The following DLGAP2 variants were observed in gnomAD, a reference collection of about 807,000 sequenced individuals.
DLGAP2 encodes DLG associated protein 2.
A neutral mutation model predicts 100.3 loss-of-function variants in DLGAP2; 26 were observed. The observed-to-expected ratio is 0.26, with a 90% CI of 0.19 to 0.36. The LOEUF (loss-of-function observed/expected upper bound fraction) is 0.36. Among genes scored for constraint, DLGAP2 ranks in the 10% least tolerant of loss-of-function variants. The pLI is 1.00. For missense variants in DLGAP2, 1,858 were observed against 1,453.2 expected, an observed-to-expected ratio of 1.28 and a Z score of -4.53; for synonymous variants, 886 against 630.1, an observed-to-expected ratio of 1.41 and a Z score of -6.08.
At chr8:948,532 G>A (rs1295314826) in intron 2 of DLGAP2, among the ~76,000 whole-genome samples, 5 of 152,240 alleles carry the variant, frequency 3.3e-5, no homozygotes, top group African/African-American at 9.6e-5. Context: ...TGGCTCCTCC[G>A]CTCTGCTCCC....
intron 2 of DLGAP2, among the ~76,000 whole-genome samples, chr8:1,076,737 G>T (rs1803624793): frequency 6.6e-6 from 1 of 152,188 alleles, no homozygotes; most frequent in South Asian, 2.1e-4. Flanking sequence ...ATAACACAGG[G>T]CCTCACACCA....
intron 2 of DLGAP2, among the ~76,000 whole-genome samples, chr8:970,292 A>T (rs1313545674): frequency 6.6e-6 from 1 of 152,236 alleles, no homozygotes; most frequent in Non-Finnish European, 1.5e-5. Context: ...CAAAGAAATT[A>T]TAGGTGTGTT....
At chr8:1,534,259 G>A (rs563084029) in intron 4 of DLGAP2, among the ~76,000 whole-genome samples, 15 of 152,208 alleles carry the variant, frequency 9.9e-5, no homozygotes, top group Non-Finnish European at 1.8e-4. Flanking sequence ...CGAAAAGTGT[G>A]TGTCACAAGG....
chr8:1,462,617 A>G (rs1798492444), intron 3 of DLGAP2, among the ~76,000 whole-genome samples: 3 of 152,178 alleles, frequency 2.0e-5, no homozygotes, highest in Admixed American at 2.0e-4. Flanking sequence ...GTGGATGGGA[A>G]TTAGTTCAGT....
rs2472053 is a variant in DLGAP2 at position 1,701,376 on chromosome 8, C to A, written c.3138C>A (p.Ile1046=). Residue 1046 remains isoleucine (I), a synonymous_variant, in exon 15 of 15, where the codon ATC becomes ATA. Transcript: ENST00000637795. ...CCGAGCGCGCGGACAGCATCGAGAT[C>A]TACATCCCCGAGGCCCAGACCCGGC... ...SASERADSIE[I]YIPEAQTRL 1.9e-6 allele frequency: 3 copies of A among 1,597,766 alleles called. No homozygotes were observed. Among genetic ancestry groups the A allele is most frequent in the South Asian group, 2.3e-5 (2 of 88,330 alleles).
At chr8:1,056,359 T>C (rs1286547531) in intron 2 of DLGAP2, among the ~76,000 whole-genome samples, 1 of 152,172 alleles carries the variant, frequency 6.6e-6, no homozygotes, top group Non-Finnish European at 1.5e-5. Context: ...TCCAGCTCTG[T>C]GTGTCCTCTG....
intron 6 of DLGAP2, among the ~76,000 whole-genome samples, chr8:1,597,242 G>A (rs529568822): frequency 2.0e-5 from 3 of 152,278 alleles, no homozygotes; most frequent in East Asian, 3.9e-4. Context: ...TTTGATACTA[G>A]TACCATCCTG....
chr8:1,310,648 TTTTTTTG>T (rs538329644), intron 3 of DLGAP2, among the ~76,000 whole-genome samples: 170 of 152,282 alleles, frequency 1.1e-3, no homozygotes, highest in Middle Eastern at 3.4e-3. Flanking sequence ...AAGTTGGGTT[TTTTTTTG>T]TTTTTTGTTT....
intron 3 of DLGAP2, among the ~76,000 whole-genome samples, chr8:1,416,944 C>T (rs188762230): frequency 7.9e-4 from 120 of 152,242 alleles, no homozygotes; most frequent in African/African-American, 2.7e-3. Context: ...AGATTTGCTT[C>T]GTGAGGAGGC....
chr8:1,020,287 A>G (rs981375910), intron 2 of DLGAP2, among the ~76,000 whole-genome samples: 2 of 152,176 alleles, frequency 1.3e-5, no homozygotes, highest in African/African-American at 4.8e-5. Context: ...AGTGACCGTT[A>G]ATTGCTAACC....
intron 1 of DLGAP2, among the ~76,000 whole-genome samples, chr8:764,800 C>T (rs1821170301): frequency 6.6e-6 from 1 of 151,962 alleles, no homozygotes; most frequent in Admixed American, 6.6e-5. Flanking sequence ...ATAACTGTGA[C>T]CTAAGCAAAA....
intron 5 of DLGAP2, among the ~76,000 whole-genome samples, chr8:1,557,467 G>A (rs1413551042): frequency 1.3e-5 from 2 of 152,142 alleles, no homozygotes; most frequent in African/African-American, 4.8e-5. Flanking sequence ...GCAGGGGTGA[G>A]CAGCGGGGAC....
At chr8:1,333,082 C>CAAG (rs1563088694) in intron 3 of DLGAP2, among the ~76,000 whole-genome samples, 5 of 152,170 alleles carry the variant, frequency 3.3e-5, no homozygotes, top group Non-Finnish European at 7.3e-5. Context: ...GGAGGTCAGG[C>CAAG]TCTTCATGCC....
chr8:1,663,482 G>A (rs1798466970), intron 8 of DLGAP2, among the ~76,000 whole-genome samples: 2 of 152,108 alleles, frequency 1.3e-5, no homozygotes, highest in South Asian at 2.1e-4. Context: ...TCAGACAGAG[G>A]GAAGGCAGTT....
intron 1 of DLGAP2, among the ~76,000 whole-genome samples, chr8:901,990 C>T (rs1320049613): frequency 6.6e-6 from 1 of 152,178 alleles, no homozygotes; most frequent in African/African-American, 2.4e-5. Context: ...CCACTGGACC[C>T]CACCTGTGAG....
chr8:1,569,549 T>C (rs1802567852), intron 6 of DLGAP2, among the ~76,000 whole-genome samples: 1 of 152,270 alleles, frequency 6.6e-6, no homozygotes, highest in South Asian at 2.1e-4. Flanking sequence ...TGCTGTTGCC[T>C]ATTCGCATCT....
chr8:1,195,545 G>T (rs1349403523), intron 2 of DLGAP2, among the ~76,000 whole-genome samples: 1 of 152,108 alleles, frequency 6.6e-6, no homozygotes, highest in East Asian at 1.9e-4. Context: ...CAATTACTTG[G>T]TACCTTCCTA....
intron 3 of DLGAP2, among the ~76,000 whole-genome samples, chr8:1,500,516 T>C (rs73672744): frequency 0.016 from 2,385 of 145,388 alleles, 208 homozygotes; most frequent in African/African-American, 0.065. Flanking sequence ...TGCAGCCTGG[T>C]AGAAACCAAG....
intron 2 of DLGAP2, among the ~76,000 whole-genome samples, chr8:1,247,270 TG>T (rs1798930909): frequency 4.4e-5 from 2 of 45,528 alleles, no homozygotes; most frequent in Non-Finnish European, 8.0e-5. Flanking sequence ...AGTGTGGGAG[TG>T]AGATGGTCCA....
Sources: gnomAD v4.1 joint callset for allele counts (sites outside exome capture counted in the v4.1 genomes callset) on GRCh38, gnomAD v4.1.1 for gene constraint, MANE v1.5 for transcripts, NCBI Gene and HGNC (gene_info 2026-07-23, HGNC 2026-07-21) for gene names.